Variants in SCHIP1 observed in about 807,000 individuals in gnomAD.
The protein encoded by SCHIP1 is schwannomin-interacting protein 1.
SCHIP1 carries 8 observed loss-of-function variants against 29.7 expected under a neutral mutation model. That is an observed-to-expected ratio of 0.27 (90% CI 0.16 to 0.49). The LOEUF is 0.49. SCHIP1 is among the 20% of genes least tolerant of loss of function. The probability of loss-of-function intolerance (pLI) is 0.99; values close to 1 mark genes in which losing one functional copy is unlikely to be tolerated. For missense variants in SCHIP1, 193 were observed against 294.6 expected (o/e 0.66, Z 2.52); for synonymous variants, 76 against 94.9 (o/e 0.80, Z 1.16).
At chr3:159,696,396 C>T in the SCHIP1 span, among the ~76,000 whole-genome samples, 18 of 152,226 alleles carry the variant, frequency 1.2e-4, no homozygotes, top group African/African-American at 4.1e-4. Flanking sequence ...CTTATTAGTC[C>T]CTCAAACTCA....
the SCHIP1 span, among the ~76,000 whole-genome samples, chr3:159,390,225 G>C: frequency 4.2e-4 from 64 of 152,016 alleles, no homozygotes; most frequent in Admixed American, 4.6e-4. Context: ...GAAAGTTATA[G>C]ATCAGTACAA....
chr3:159,539,237 C>A, the SCHIP1 span, among the ~76,000 whole-genome samples: 4 of 83,314 alleles, frequency 4.8e-5, 2 homozygotes, highest in Non-Finnish European at 1.3e-4. Context: ...TAATATGGAT[C>A]AATTTTCAAA....
At chr3:159,418,604 T>C in the SCHIP1 span, among the ~76,000 whole-genome samples, 1 of 152,278 alleles carries the variant, frequency 6.6e-6, no homozygotes, top group Non-Finnish European at 1.5e-5. Context: ...ATACAAAATA[T>C]TGACTATTGT....
the SCHIP1 span, among the ~76,000 whole-genome samples, chr3:159,579,066 C>T: frequency 7.9e-5 from 12 of 152,250 alleles, no homozygotes; most frequent in South Asian, 1.7e-3. Context: ...GTACTCTAAT[C>T]ACTATACAAA....
chr3:159,476,789 T>G, the SCHIP1 span, among the ~76,000 whole-genome samples: 1 of 152,164 alleles, frequency 6.6e-6, no homozygotes, highest in Non-Finnish European at 1.5e-5. Flanking sequence ...TATACCCTCA[T>G]GTATCTACCA....
the SCHIP1 span, among the ~76,000 whole-genome samples, chr3:159,477,208 A>T: frequency 3.4e-4 from 52 of 152,096 alleles, no homozygotes; most frequent in Non-Finnish European, 6.5e-4. Context: ...ACTTAGGTTG[A>T]GTTTATGCCT....
chr3:159,871,692 C>CATATAAGCTCTAAGAGAGCAAGACTT (rs779642618), intron 2 of SCHIP1, among the ~76,000 whole-genome samples: 2 of 152,010 alleles, frequency 1.3e-5, no homozygotes, highest in Admixed American at 6.5e-5. Flanking sequence ...GCATTTTAAA[C>CATATAAGCTCTAAGAGAGCAAGACTT]CTGGCTGCCA....
At chr3:159,425,110 A>G in the SCHIP1 span, among the ~76,000 whole-genome samples, 1 of 151,994 alleles carries the variant, frequency 6.6e-6, no homozygotes, top group Non-Finnish European at 1.5e-5. Flanking sequence ...AAGACCATCG[A>G]GACTAGGAAG....
the SCHIP1 span, among the ~76,000 whole-genome samples, chr3:159,498,623 G>A: frequency 1.3e-5 from 2 of 151,610 alleles, no homozygotes; most frequent in East Asian, 1.9e-4. Context: ...TCCCACCTAC[G>A]TATCTTCAAA....
the SCHIP1 span, among the ~76,000 whole-genome samples, chr3:159,570,819 G>A: frequency 1.3e-5 from 2 of 152,044 alleles, no homozygotes; most frequent in Non-Finnish European, 2.9e-5. Flanking sequence ...CTTTTATTTA[G>A]TTGAGCAGTG....
the SCHIP1 span, among the ~76,000 whole-genome samples, chr3:159,656,931 C>T: frequency 6.6e-6 from 1 of 152,090 alleles, no homozygotes; most frequent in African/African-American, 2.4e-5. Flanking sequence ...TGTATGTCCA[C>T]CTGTTCACCT....
chr3:159,703,980 A>G, the SCHIP1 span, among the ~76,000 whole-genome samples: 1 of 152,220 alleles, frequency 6.6e-6, no homozygotes, highest in South Asian at 2.1e-4. Flanking sequence ...CCTTGTCTGC[A>G]TCAAATAACC....
chr3:159,321,642 G>A, the SCHIP1 span, among the ~76,000 whole-genome samples: 6 of 152,082 alleles, frequency 3.9e-5, no homozygotes, highest in Non-Finnish European at 1.5e-5. Flanking sequence ...GTATACATGT[G>A]CCATGCGGGC....
the SCHIP1 span, among the ~76,000 whole-genome samples, chr3:159,812,912 A>T: frequency 6.6e-6 from 1 of 152,230 alleles, no homozygotes; most frequent in African/African-American, 2.4e-5. Flanking sequence ...TGAGGGCTTT[A>T]TGCTGTATCA....
At chr3:159,853,518 A>T in intron 1 of SCHIP1, 1 of 661,382 alleles carries the variant, frequency 1.5e-6, no homozygotes, top group South Asian at 1.7e-5. Context: ...CTGGAGAAAG[A>T]TCACCCTTGA....
chr3:159,329,318 G>T, the SCHIP1 span, among the ~76,000 whole-genome samples: 2 of 152,196 alleles, frequency 1.3e-5, no homozygotes, highest in Non-Finnish European at 2.9e-5. Flanking sequence ...GGGACAGTTT[G>T]TTCCTGCTTC....
At chr3:159,558,446 C>T in the SCHIP1 span, among the ~76,000 whole-genome samples, 2 of 152,232 alleles carry the variant, frequency 1.3e-5, no homozygotes, top group Admixed American at 6.5e-5. Flanking sequence ...TAAGAGAATC[C>T]AGGAGAGATT....
At chr3:159,619,404 A>C in the SCHIP1 span, among the ~76,000 whole-genome samples, 1 of 152,170 alleles carries the variant, frequency 6.6e-6, no homozygotes, top group Non-Finnish European at 1.5e-5. Flanking sequence ...AACTGGAGCC[A>C]TTGCCATTGG....
At chr3:159,823,838 T>C in the SCHIP1 span, among the ~76,000 whole-genome samples, 1 of 152,186 alleles carries the variant, frequency 6.6e-6, no homozygotes, top group Non-Finnish European at 1.5e-5. Context: ...CTAAAATTCT[T>C]AATGTTTTAA....
Sources: allele counts gnomAD v4.1 joint callset (sites outside exome capture counted in the v4.1 genomes callset), GRCh38; gene constraint gnomAD v4.1.1; transcripts MANE v1.5; gene names NCBI Gene and HGNC (gene_info 2026-07-23, HGNC 2026-07-21).